The following ADARB2 variants were observed in gnomAD, a reference collection of about 807,000 sequenced individuals.
ADARB2 encodes adenosine deaminase RNA specific B2 (inactive).
ADARB2 carries 25 observed loss-of-function variants against 62.2 expected under a neutral mutation model. The observed-to-expected ratio is 0.40, with a 90% CI of 0.29 to 0.56. The LOEUF is 0.56. Among genes scored for constraint, ADARB2 ranks in the 20% least tolerant of loss-of-function variants. ADARB2 has a pLI of 0.43. For synonymous variants in ADARB2, 572 were observed against 500.8 expected, an observed-to-expected ratio of 1.14 and a Z score of -1.90; for missense variants, 1,071 against 1,077.4, an observed-to-expected ratio of 0.99 and a Z score of 0.08.
At chr10:1,619,177 A>G (rs1193729318) in intron 1 of ADARB2, among the ~76,000 whole-genome samples, 1 of 152,212 alleles carries the variant, frequency 6.6e-6, no homozygotes, top group Non-Finnish European at 1.5e-5. Context: ...TGAATGGTCT[A>G]AACACCCAAA....
At chr10:1,411,318 C>G (rs937859808) in intron 1 of ADARB2, among the ~76,000 whole-genome samples, 2 of 152,192 alleles carry the variant, frequency 1.3e-5, no homozygotes, top group African/African-American at 2.4e-5. Context: ...CAGTGCTGCT[C>G]CTTCAAGTGC....
At chr10:1,185,324 C>G (rs12254454) in intron 8 of ADARB2, among the ~76,000 whole-genome samples, 21 of 152,334 alleles carry the variant, frequency 1.4e-4, no homozygotes, top group Admixed American at 5.9e-4. Context: ...ATTCCCCCCC[C>G]TTCTGTAAAT....
chr10:1,355,438 C>T (rs1174266844), intron 3 of ADARB2, among the ~76,000 whole-genome samples: 6 of 152,186 alleles, frequency 3.9e-5, no homozygotes, highest in Non-Finnish European at 8.8e-5. Context: ...GGAAACTCAA[C>T]GTCCTTCTCT....
At chr10:1,289,840 C>T (rs1446197809) in intron 3 of ADARB2, among the ~76,000 whole-genome samples, 1 of 152,240 alleles carries the variant, frequency 6.6e-6, no homozygotes, top group African/African-American at 2.4e-5. Flanking sequence ...CAGGGAGGGG[C>T]AGGTAGGCGT....
intron 1 of ADARB2, among the ~76,000 whole-genome samples, chr10:1,473,320 C>T (rs914110975): frequency 5.3e-5 from 8 of 152,198 alleles, no homozygotes; most frequent in African/African-American, 1.9e-4. Context: ...CTGCCACAGA[C>T]CCTAATGGAT....
chr10:1,538,441 C>T (rs1038832152), intron 1 of ADARB2, among the ~76,000 whole-genome samples: 5 of 152,214 alleles, frequency 3.3e-5, no homozygotes, highest in African/African-American at 1.2e-4. Flanking sequence ...AGGAGTGAGA[C>T]AGGACATCCC....
chr10:1,644,530 G>T (rs1245665795), intron 1 of ADARB2, among the ~76,000 whole-genome samples: 1 of 152,256 alleles, frequency 6.6e-6, no homozygotes, highest in African/African-American at 2.4e-5. Flanking sequence ...TGCACATGCT[G>T]GTGGTGACAC....
At chr10:1,484,722 G>T (rs1460665386) in intron 1 of ADARB2, among the ~76,000 whole-genome samples, 1 of 152,206 alleles carries the variant, frequency 6.6e-6, no homozygotes, top group Admixed American at 6.5e-5. Flanking sequence ...GTGTCTGTGG[G>T]TGTGGAGGTG....
chr10:1,185,661 C>T (rs1466903674), intron 8 of ADARB2, among the ~76,000 whole-genome samples: 4 of 152,204 alleles, frequency 2.6e-5, no homozygotes, highest in Non-Finnish European at 5.9e-5. Flanking sequence ...TTCATGATGA[C>T]AGTGGGGCGT....
chr10:1,393,398 A>G (rs1403282482), intron 1 of ADARB2, among the ~76,000 whole-genome samples: 1 of 152,230 alleles, frequency 6.6e-6, no homozygotes, highest in Non-Finnish European at 1.5e-5. Context: ...TAAAATGCAC[A>G]ATTACATTAT....
At chr10:1,725,636 C>T (rs941267398) in intron 1 of ADARB2, among the ~76,000 whole-genome samples, 2 of 152,228 alleles carry the variant, frequency 1.3e-5, no homozygotes, top group Non-Finnish European at 2.9e-5. Context: ...GGGCAACACC[C>T]GAGAGAGCAG....
chr10:1,285,832 C>G (rs1831407871), intron 3 of ADARB2, among the ~76,000 whole-genome samples: 1 of 152,196 alleles, frequency 6.6e-6, no homozygotes, highest in Non-Finnish European at 1.5e-5. Context: ...AAATTTGCAG[C>G]AGTAGTCCTC....
chr10:1,664,893 T>C (rs1307653624), intron 1 of ADARB2, among the ~76,000 whole-genome samples: 1 of 152,132 alleles, frequency 6.6e-6, no homozygotes, highest in Non-Finnish European at 1.5e-5. Flanking sequence ...GTGGGCTTAA[T>C]TGCTTAGAAT....
At chr10:1,527,621 A>G (rs1175833721) in intron 1 of ADARB2, among the ~76,000 whole-genome samples, 2 of 152,234 alleles carry the variant, frequency 1.3e-5, no homozygotes, top group Non-Finnish European at 2.9e-5. Flanking sequence ...GATATACATA[A>G]CAGGATGATA....
At chr10:1,595,523 C>T (rs1054136950) in intron 1 of ADARB2, among the ~76,000 whole-genome samples, 1 of 152,200 alleles carries the variant, frequency 6.6e-6, no homozygotes, top group Non-Finnish European at 1.5e-5. Context: ...TGGTCGGAAC[C>T]ATGGCTGCCA....
chr10:1,279,813 A>T (rs957852509), intron 3 of ADARB2, among the ~76,000 whole-genome samples: 2 of 152,080 alleles, frequency 1.3e-5, no homozygotes, highest in Admixed American at 6.5e-5. Context: ...GGGAACATGG[A>T]ACTTGTTTGG....
At chr10:1,696,123 G>T (rs972053084) in intron 1 of ADARB2, among the ~76,000 whole-genome samples, 1 of 151,816 alleles carries the variant, frequency 6.6e-6, no homozygotes, top group African/African-American at 2.4e-5. Context: ...GTCCATGTTT[G>T]CATGTAGTAT....
At chr10:1,677,030 T>C (rs112780547) in intron 1 of ADARB2, among the ~76,000 whole-genome samples, 1 of 152,226 alleles carries the variant, frequency 6.6e-6, no homozygotes, top group Non-Finnish European at 1.5e-5. Context: ...TTCACACTTA[T>C]CAGGCAGCTT....
intron 1 of ADARB2, among the ~76,000 whole-genome samples, chr10:1,577,205 G>A (rs1323810199): frequency 6.9e-6 from 1 of 144,610 alleles, no homozygotes; most frequent in East Asian, 2.0e-4. Context: ...GCACACAGGT[G>A]GTGGGTGGAA....
Sources: allele counts gnomAD v4.1 joint callset (sites outside exome capture counted in the v4.1 genomes callset), GRCh38; gene constraint gnomAD v4.1.1; transcripts MANE v1.5; gene names NCBI Gene and HGNC (gene_info 2026-07-23, HGNC 2026-07-21).